OSBPL10: variants seen among roughly 807,000 people sequenced by gnomAD.
The protein encoded by OSBPL10 is oxysterol binding protein like 10.
In OSBPL10, 49 loss-of-function variants were observed where a neutral mutation model predicts 81.7. The observed-to-expected ratio is 0.60, with a 90% CI of 0.48 to 0.76. OSBPL10 has a LOEUF of 0.76. OSBPL10 is among the 30% of genes least tolerant of loss of function. OSBPL10 has a pLI of 0.00. For synonymous variants in OSBPL10, 419 were observed against 383.6 expected, an observed-to-expected ratio of 1.09 and a Z score of -1.08; for missense variants, 923 against 987.8, an observed-to-expected ratio of 0.93 and a Z score of 0.88.
At chr3:31,672,717 C>A (rs1184507160) in intron 8 of OSBPL10, among the ~76,000 whole-genome samples, 1 of 152,092 alleles carries the variant, frequency 6.6e-6, no homozygotes. Flanking sequence ...GTTTTCCCAA[C>A]CCATGAAATA....
intron 10 of OSBPL10, chr3:31,664,481 G>T: frequency 3.5e-6 from 2 of 576,096 alleles, no homozygotes; most frequent in East Asian, 5.8e-5. Flanking sequence ...CGGAGATTCT[G>T]GGAATCAAAT....
chr3:31,846,498 C>A (rs1363747404), intron 3 of OSBPL10, among the ~76,000 whole-genome samples: 1 of 151,896 alleles, frequency 6.6e-6, no homozygotes. Context: ...TGGTGGTGGG[C>A]GCCTATAATC....
intron 3 of OSBPL10, among the ~76,000 whole-genome samples, chr3:31,831,355 G>A (rs1022242101): frequency 5.3e-5 from 8 of 151,222 alleles, no homozygotes; most frequent in East Asian, 1.9e-4. Context: ...GCAGTGAGCC[G>A]AGATCGTGCC....
chr3:31,966,686 C>G (rs982288755), intron 1 of OSBPL10, among the ~76,000 whole-genome samples: 1 of 150,994 alleles, frequency 6.6e-6, no homozygotes, highest in Non-Finnish European at 1.5e-5. Context: ...AAAAATGGAT[C>G]ACTTCTTTAA....
intron 6 of OSBPL10, among the ~76,000 whole-genome samples, chr3:31,720,509 C>G (rs143776084): frequency 6.6e-6 from 1 of 152,308 alleles, no homozygotes; most frequent in African/African-American, 2.4e-5. Context: ...TGCTTAATTT[C>G]CACCAGCCAG....
rs80237729 is a variant in OSBPL10, at chr3:31,726,232, G to A, written c.1095+7025C>T. ...CAGTTACAGGACTTGGAGTAGGTAT[G>A]TGATCTAGTTCTGGCTGTGAGATAA... On this transcript the variant is annotated intron_variant, in intron 6 of 11. Transcript: ENST00000396556. Among the ~76,000 whole-genome samples the A allele has an allele frequency of 9.1e-4, 139 of 152,278 alleles. 1 individual carries two copies. Among genetic ancestry groups the A allele is most frequent in the African/African-American group, 3.2e-3 (134 of 41,544 alleles).
rs1698600873 is a variant in OSBPL10, at chr3:31,778,319, C to A, written c.730-30199G>T. Among the ~76,000 whole-genome samples the A allele has an allele frequency of 1.1e-4, 16 of 152,140 alleles. 1 individual carries two copies. The South Asian group carries it at 3.3e-3, about 32-fold the overall frequency. ...CATAACCCTATTGGCCTGATAACTA[C>A]CCCCATCCTCCACAGTGGCCGTGGC... On this transcript the variant is annotated intron_variant, in intron 4 of 11. Transcript: ENST00000396556.
chr3:32,067,621 A>G (rs911336671), intron 1 of OSBPL10, among the ~76,000 whole-genome samples: 2 of 152,018 alleles, frequency 1.3e-5, no homozygotes, highest in African/African-American at 4.8e-5. Flanking sequence ...CCCCACCCTA[A>G]CTGATCAATG....
intron 4 of OSBPL10, among the ~76,000 whole-genome samples, chr3:31,802,438 C>T (rs961110631): frequency 4.0e-5 from 6 of 150,368 alleles, no homozygotes; most frequent in Non-Finnish European, 5.9e-5. Flanking sequence ...TGGTGGCGGG[C>T]ACCTGTAATC....
chr3:31,664,060 T>A lies in OSBPL10; in HGVS notation c.2250+19A>T, dbSNP rs576102180. Reference sequence around the variant, plus strand: ...AGTTCTCTCCTGGGCAAGGGACCAATGACAGGCGGCAGAGTTACCTCCTGG... The same window carrying A: ...AGTTCTCTCCTGGGCAAGGGACCAAAGACAGGCGGCAGAGTTACCTCCTGG... On this transcript the variant is annotated intron_variant, in intron 11 of 11. Coordinates refer to ENST00000396556, the MANE Select transcript of OSBPL10 (RefSeq NM_017784.5). 2 of 1,614,100 alleles carry A rather than the reference T, an allele frequency of 1.2e-6. No homozygotes were observed. Among genetic ancestry groups the A allele is most frequent in the South Asian group, 2.2e-5 (2 of 91,062 alleles).
At chr3:32,054,726 T>A (rs1324325613) in intron 1 of OSBPL10, among the ~76,000 whole-genome samples, 5 of 151,852 alleles carry the variant, frequency 3.3e-5, no homozygotes, top group Non-Finnish European at 7.4e-5. Flanking sequence ...AGAGATGGGG[T>A]TTCACCACAT....
chr3:32,003,640 A>G (rs1052778560), intron 2 of OSBPL10, among the ~76,000 whole-genome samples: 1 of 152,204 alleles, frequency 6.6e-6, no homozygotes, highest in African/African-American at 2.4e-5. Context: ...AAACAGGATA[A>G]TCCTCTTTCT....
chr3:31,781,274 T>C (rs114820234), intron 4 of OSBPL10, among the ~76,000 whole-genome samples: 353 of 152,256 alleles, frequency 2.3e-3, no homozygotes, highest in African/African-American at 7.9e-3. Flanking sequence ...TACTTTATGA[T>C]TAAAACCCTA....
chr3:31,878,320 C>T (rs186090150), intron 2 of OSBPL10, among the ~76,000 whole-genome samples: 2 of 152,306 alleles, frequency 1.3e-5, no homozygotes, highest in Admixed American at 6.5e-5. Flanking sequence ...CGTTTTTCGT[C>T]TGCTATTGTT....
In OSBPL10 at chr3:31,779,223, C is replaced by T. The variant is rs144003496; in HGVS notation, c.730-31103G>A. On this transcript the variant is annotated intron_variant, in intron 4 of 11. Transcript: ENST00000396556. ...TAAAACAATATCTCACATCTCAATT[C>T]GAATGCTGAATGTAAATGCCCTAAT... 4.3e-4 allele frequency among the ~76,000 whole-genome samples: 65 copies of T among 152,246 alleles called. No homozygotes were observed. The East Asian group carries it at 0.011, about 26-fold the overall frequency.
chr3:31,945,643 C>T (rs1334090974), intron 1 of OSBPL10, among the ~76,000 whole-genome samples: 1 of 152,206 alleles, frequency 6.6e-6, no homozygotes, highest in Non-Finnish European at 1.5e-5. Context: ...AGCAGCTGCC[C>T]TGTCAGATGT....
intron 5 of OSBPL10, among the ~76,000 whole-genome samples, chr3:31,736,166 T>G (rs894048298): frequency 2.0e-5 from 3 of 152,106 alleles, no homozygotes; most frequent in Non-Finnish European, 4.4e-5. Flanking sequence ...AGCTCCAGTT[T>G]TGCAAGATGG....
At chr3:31,783,424 C>T (rs866610888) in intron 4 of OSBPL10, among the ~76,000 whole-genome samples, 9 of 151,788 alleles carry the variant, frequency 5.9e-5, no homozygotes, top group African/African-American at 1.5e-4. Context: ...TCAGGTGATG[C>T]GTGTACCAGA....
At chr3:31,694,609 T>C (rs1695659971) in intron 7 of OSBPL10, among the ~76,000 whole-genome samples, 1 of 152,140 alleles carries the variant, frequency 6.6e-6, no homozygotes, top group African/African-American at 2.4e-5. Flanking sequence ...ATACACTAAA[T>C]ATGTATCTAC....
Sources: allele counts gnomAD v4.1 joint callset (sites outside exome capture counted in the v4.1 genomes callset), GRCh38; gene constraint gnomAD v4.1.1; transcripts MANE v1.5; gene names NCBI Gene and HGNC (gene_info 2026-07-23, HGNC 2026-07-21).